Variants in DOCK10 observed in about 807,000 individuals in gnomAD.
DOCK10 encodes dedicator of cytokinesis protein 10.
Under a neutral mutation model 280.1 loss-of-function variants are expected in DOCK10, and 145 were observed. The observed-to-expected ratio is 0.52, with a 90% CI of 0.45 to 0.59. The LOEUF (loss-of-function observed/expected upper bound fraction) is 0.59. Among genes scored for constraint, DOCK10 ranks in the 20% least tolerant of loss-of-function variants. The pLI is 0.00. For synonymous variants in DOCK10, 915 were observed against 942.2 expected, an observed-to-expected ratio of 0.97 and a Z score of 0.53; for missense variants, 2,368 against 2,651.7, an observed-to-expected ratio of 0.89 and a Z score of 2.35.
chr2:224,829,761 AGAGT>A (rs1326855126), intron 27 of DOCK10, among the ~76,000 whole-genome samples: 1 of 152,164 alleles, frequency 6.6e-6, no homozygotes, highest in Non-Finnish European at 1.5e-5. Flanking sequence ...GCTGCTAGTT[AGAGT>A]GAGAGGGATC....
At chr2:224,839,239 C>T (rs931388353) in intron 24 of DOCK10, among the ~76,000 whole-genome samples, 18 of 150,300 alleles carry the variant, frequency 1.2e-4, no homozygotes, top group African/African-American at 3.2e-4. Context: ...CCACCACGCC[C>T]GGCTAATTTT....
chr2:224,846,297 A>G (rs958547464), intron 19 of DOCK10, among the ~76,000 whole-genome samples: 10 of 152,322 alleles, frequency 6.6e-5, no homozygotes, highest in African/African-American at 2.4e-4. Context: ...ACATCAAGGA[A>G]CTGTCATTAA....
chr2:224,967,205 G>A (rs991633223), intron 1 of DOCK10, among the ~76,000 whole-genome samples: 4 of 151,228 alleles, frequency 2.6e-5, no homozygotes, highest in African/African-American at 4.9e-5. Flanking sequence ...TCAGCCTCCC[G>A]AGTAGTTGGG....
intron 2 of DOCK10, among the ~76,000 whole-genome samples, chr2:224,921,112 A>ATATATATAT (rs1553613961): frequency 1.7e-4 from 9 of 54,418 alleles, no homozygotes; most frequent in African/African-American, 1.1e-3. Flanking sequence ...AAAAAAAAAA[A>ATATATATAT]ATATATATAT....
intron 4 of DOCK10, among the ~76,000 whole-genome samples, chr2:224,895,839 G>GTA (rs1212771046): frequency 1.7e-5 from 2 of 116,190 alleles, no homozygotes; most frequent in South Asian, 2.6e-4. Context: ...GTGCGTGTGT[G>GTA]TGTATATATA....
rs930280454 is a variant in DOCK10, at chr2:224,819,604, A to G, written c.3184-75T>C. The G allele has an allele frequency of 3.1e-6, 3 of 963,614 alleles. No homozygotes were observed. The African/African-American group carries it at 5.1e-5, about 16-fold the overall frequency. 59.7% of individuals were successfully genotyped at this position (963,614 alleles called of 1,614,324 possible). A position where few individuals can be genotyped will look rare whatever the true frequency, so the allele number is the denominator to read the frequency against. On this transcript the variant is annotated intron_variant, in intron 28 of 55. Coordinates refer to ENST00000258390, the MANE Select transcript of DOCK10 (RefSeq NM_014689.3). The stretch of plus-strand genomic sequence containing the variant: ...TAAAGATTTTAGAAAATATGATTAA[A>G]TATATTGAAGTAAAATAACACTAAA...
In DOCK10 at chr2:225,042,416, C is replaced by G; in HGVS notation, c.-42G>C. The G allele has an allele frequency of 8.1e-7, 1 of 1,229,132 alleles. No individual in the cohort carries two copies. Among genetic ancestry groups the G allele is most frequent in the Non-Finnish European group, 1.0e-6 (1 of 983,892 alleles). The allele number at this position is 1,229,132 out of a possible 1,614,324, so 76.1% of individuals were successfully genotyped here. ...CGCGCCGCGGGCCCGGGGCGCGCCT[C>G]CCGCCGGTCTTCCCCGCGCCAACCT... is the stretch of plus-strand genomic sequence containing the variant. On this transcript the variant is annotated 5_prime_UTR_variant, in exon 1 of 56. Coordinates refer to ENST00000258390, the MANE Select transcript of DOCK10 (RefSeq NM_014689.3). This position sits in a 1 kb window ranked among gnomAD's most constrained non-coding sequence, Gnocchi z 5.1.
intron 23 of DOCK10, among the ~76,000 whole-genome samples, chr2:224,841,249 TA>T (rs1574918973): frequency 1.3e-5 from 2 of 152,312 alleles, no homozygotes; most frequent in African/African-American, 4.8e-5. Context: ...TATTAAGTGT[TA>T]TAACCTTAAA....
chr2:224,907,083 A>G (rs1490331991), intron 3 of DOCK10, among the ~76,000 whole-genome samples: 1 of 152,234 alleles, frequency 6.6e-6, no homozygotes, highest in African/African-American at 2.4e-5. Flanking sequence ...CTGAATTGCA[A>G]TTAGCAGAGT....
intron 18 of DOCK10, among the ~76,000 whole-genome samples, chr2:224,851,588 G>C (rs943981106): frequency 1.3e-5 from 2 of 151,828 alleles, no homozygotes; most frequent in Admixed American, 1.3e-4. Context: ...ACCAGGCAGA[G>C]TGCTTTAAGA....
chr2:224,844,713 A>G (rs140959530), intron 22 of DOCK10, 40 bp downstream of exon 22: 1 of 1,242,090 alleles, frequency 8.1e-7, no homozygotes. Context: ...TGATGCTGTG[A>G]GTTAGAGAAG....
chr2:224,774,276 T>C (rs1248557679), intron 52 of DOCK10, among the ~76,000 whole-genome samples: 1 of 152,192 alleles, frequency 6.6e-6, no homozygotes, highest in East Asian at 1.9e-4. Context: ...TCATTTCTCC[T>C]GCTCCGCTCA....
intron 18 of DOCK10, among the ~76,000 whole-genome samples, chr2:224,850,161 G>T (rs189582173): frequency 6.6e-6 from 1 of 152,264 alleles, no homozygotes; most frequent in Non-Finnish European, 1.5e-5. Context: ...AACCCATAAA[G>T]GTAGAAGCCC....
At chr2:225,014,081 A>ATT (rs1179753674) in intron 1 of DOCK10, among the ~76,000 whole-genome samples, 1 of 96,794 alleles carries the variant, frequency 1.0e-5, no homozygotes, top group African/African-American at 4.7e-5. Context: ...GTCTGAATAT[A>ATT]TTGTTTTTTT....
At chr2:224,824,234 A>G (rs1051331895) in intron 27 of DOCK10, among the ~76,000 whole-genome samples, 9 of 152,134 alleles carry the variant, frequency 5.9e-5, no homozygotes, top group Non-Finnish European at 1.5e-5. Context: ...TATATGCCAC[A>G]GTTAAGAGAC....
chr2:224,826,957 G>A lies in DOCK10; in HGVS notation c.3037-3310C>T, dbSNP rs937404560. Among the ~76,000 whole-genome samples the A allele has an allele frequency of 5.3e-5, 8 of 149,662 alleles. No individual in the cohort carries two copies. The South Asian group carries it at 1.3e-3, about 24-fold the overall frequency. On this transcript the variant is annotated intron_variant, in intron 27 of 55. Transcript: ENST00000258390. ...CAGCCTGGGCAACAGGAGTGAGACCGTGTATCAAGGGGAAAAAAAAATGGG... is the reference window on the plus strand; with the variant it reads ...CAGCCTGGGCAACAGGAGTGAGACCATGTATCAAGGGGAAAAAAAAATGGG...
chr2:225,000,182 C>G (rs1018008697), intron 1 of DOCK10, among the ~76,000 whole-genome samples: 1 of 149,894 alleles, frequency 6.7e-6, no homozygotes, highest in African/African-American at 2.5e-5. Context: ...GCATTGGGAT[C>G]ACTCAAGTCA....
Position 224,770,246 on chromosome 2 carries a change from T to A in DOCK10, c.6409A>T (p.Met2137Leu), listed in dbSNP as rs1458325245. The A allele has an allele frequency of 2.0e-5, 32 of 1,602,694 alleles. No individual in the cohort carries two copies. The highest frequency in any genetic ancestry group is 2.6e-5 in the Non-Finnish European group (30 of 1,174,778). ...QEELRSHYKD[M>L]LSELSTVMNE... ...ATGACTGTGGAGAGTTCGCTGAGCATGTCCTTGTAGTGGGACCTCAGTTCT... is the reference window on the plus strand; with the variant it reads ...ATGACTGTGGAGAGTTCGCTGAGCAAGTCCTTGTAGTGGGACCTCAGTTCT... Residue 2137 changes from methionine (M) to leucine (L), a missense_variant, in exon 55 of 56, where the codon ATG (methionine) becomes TTG (leucine). Coordinates refer to ENST00000258390, the MANE Select transcript of DOCK10 (RefSeq NM_014689.3). This position sits in a 1 kb window ranked among gnomAD's most constrained non-coding sequence, Gnocchi z 4.5.
chr2:225,027,756 A>G (rs974521838), intron 1 of DOCK10, among the ~76,000 whole-genome samples: 2 of 152,168 alleles, frequency 1.3e-5, no homozygotes, highest in East Asian at 1.9e-4. Flanking sequence ...ATGTGAGCCA[A>G]TTAAACCTCT....
Sources: gnomAD v4.1 joint callset for allele counts (sites outside exome capture counted in the v4.1 genomes callset) on GRCh38, gnomAD v4.1.1 for gene constraint, Gnocchi (gnomAD v3.1) non-coding constraint, MANE v1.5 for transcripts, NCBI Gene and HGNC (gene_info 2026-07-23, HGNC 2026-07-21) for gene names.